The following MAN1C1 variants were observed in gnomAD, a reference collection of about 807,000 sequenced individuals.
The protein encoded by MAN1C1 is mannosyl-oligosaccharide 1,2-alpha-mannosidase IC.
A neutral mutation model predicts 71.5 loss-of-function variants in MAN1C1; 49 were observed. The observed-to-expected ratio is 0.69, with a 90% CI of 0.54 to 0.87. The LOEUF is 0.87. MAN1C1 is among the 40% of genes least tolerant of loss of function. The probability of loss-of-function intolerance (pLI) is 0.00; values close to 1 mark genes in which losing one functional copy is unlikely to be tolerated. For synonymous variants in MAN1C1, 352 were observed against 343.7 expected, an observed-to-expected ratio of 1.02 and a Z score of -0.27; for missense variants, 743 against 835.0, an observed-to-expected ratio of 0.89 and a Z score of 1.36.
chr1:25,772,561 A>G (rs1293649311), intron 8 of MAN1C1, among the ~76,000 whole-genome samples: 1 of 152,192 alleles, frequency 6.6e-6, no homozygotes, highest in African/African-American at 2.4e-5. Flanking sequence ...TTTCCCCATA[A>G]AGCAAGTTGA....
rs561188269 is a variant in MAN1C1 at position 25,731,002 on chromosome 1, C to T, written c.638-15666C>T. 1.6e-4 allele frequency among the ~76,000 whole-genome samples: 25 copies of T among 152,318 alleles called. No individual in the cohort carries two copies. The East Asian group carries it at 3.9e-3, about 24-fold the overall frequency. ...TTTGACCACAAGCCTGTGCTTCCCC[C>T]ACAATCGCTGCTGCTTTAAAAAAAT... On this transcript the variant is annotated intron_variant, in intron 2 of 11. Coordinates refer to ENST00000374332, the MANE Select transcript of MAN1C1 (RefSeq NM_020379.4).
rs1024080469 is a variant in MAN1C1 at position 25,769,686 on chromosome 1, G to T, written c.1142-1971G>T. Among the ~76,000 whole-genome samples the T allele has an allele frequency of 1.3e-5, 2 of 152,162 alleles. No homozygotes were observed. Among genetic ancestry groups the T allele is most frequent in the African/African-American group, 2.4e-5 (1 of 41,432 alleles). The stretch of plus-strand genomic sequence containing the variant: ...CATTCACCTGCTCAGCACTCCATGG[G>T]CATCTCTGTGCGCCGTGTAGTTACT... On this transcript the variant is annotated intron_variant, in intron 7 of 11. Coordinates refer to ENST00000374332, the MANE Select transcript of MAN1C1 (RefSeq NM_020379.4). The surrounding 1 kb of genome is among the most constrained non-coding windows in gnomAD (Gnocchi z 4.8).
intron 2 of MAN1C1, among the ~76,000 whole-genome samples, chr1:25,687,309 A>G (rs952536485): frequency 1.3e-5 from 2 of 151,946 alleles, no homozygotes; most frequent in Non-Finnish European, 2.9e-5. Flanking sequence ...CCTAACCTAG[A>G]GCCTTGGGAG....
chr1:25,768,161 A>G (rs1572207510), intron 7 of MAN1C1, among the ~76,000 whole-genome samples: 1 of 60,716 alleles, frequency 1.6e-5, no homozygotes, highest in Non-Finnish European at 3.1e-5. Context: ...CCCTACATAC[A>G]CTCCCCTCAC....
intron 2 of MAN1C1, among the ~76,000 whole-genome samples, chr1:25,707,459 G>C (rs912314678): frequency 6.6e-6 from 1 of 152,230 alleles, no homozygotes; most frequent in Non-Finnish European, 1.5e-5. Context: ...ATCTGGAGGA[G>C]AAAATGCATT....
At position 25,753,979 on chromosome 1, in the gene MAN1C1, C is replaced by T. The variant is rs1044663178; in HGVS notation, c.929+401C>T. Among the ~76,000 whole-genome samples, 20 of 152,154 alleles carry T rather than the reference C, an allele frequency of 1.3e-4. No individual in the cohort carries two copies. Among genetic ancestry groups the T allele is most frequent in the East Asian group, 7.7e-4 (4 of 5,192 alleles). ...AATGGCCCCAAACACTCTCTTCCCC[C>T]GCTGGGGTTCCGGAGCCAGCAGGCA... is the stretch of plus-strand genomic sequence containing the variant. On this transcript the variant is annotated intron_variant, in intron 5 of 11. Transcript: ENST00000374332. This position sits in a 1 kb window ranked among gnomAD's most constrained non-coding sequence, Gnocchi z 4.9.
intron 1 of MAN1C1, among the ~76,000 whole-genome samples, chr1:25,637,609 T>C (rs1242460641): frequency 6.6e-6 from 1 of 152,098 alleles, no homozygotes; most frequent in Non-Finnish European, 1.5e-5. Context: ...TTTTTTTTTT[T>C]TGGTCTACTT....
At position 25,782,696 on chromosome 1, in the gene MAN1C1, C is replaced by G. The variant is rs764350746; in HGVS notation, c.1762C>G (p.Leu588Val). The G allele has an allele frequency of 6.2e-7, 1 of 1,612,168 alleles. No individual in the cohort carries two copies. The highest frequency in any genetic ancestry group is 8.5e-7 in the Non-Finnish European group (1 of 1,178,364). Reference protein sequence around the residue: ...KQQSFFLAETLKYLYLLFSED... With the variant: ...KQQSFFLAETVKYLYLLFSED... ...GCAGAGCTTCTTTCTAGCGGAGACA[C>G]TAAAGTGAGCAGTGTGGGCTCTTCC... Residue 588 changes from leucine (L) to valine (V), a missense_variant, in exon 11 of 12, where the codon CTA becomes GTA. Coordinates refer to ENST00000374332, the MANE Select transcript of MAN1C1 (RefSeq NM_020379.4). The surrounding 1 kb of genome is among the most constrained non-coding windows in gnomAD (Gnocchi z 4.4).
intron 4 of MAN1C1, among the ~76,000 whole-genome samples, chr1:25,752,166 C>T (rs1027765425): frequency 6.6e-6 from 1 of 152,054 alleles, no homozygotes; most frequent in African/African-American, 2.4e-5. Flanking sequence ...GAGGTTGGCA[C>T]GGCACTTCAC....
intron 1 of MAN1C1, among the ~76,000 whole-genome samples, chr1:25,654,801 C>A (rs2045740584): frequency 6.6e-6 from 1 of 152,108 alleles, no homozygotes; most frequent in African/African-American, 2.4e-5. Context: ...CACACACCAC[C>A]ACGCCTAGCT....
At chr1:25,718,914 A>G (rs960196725) in intron 2 of MAN1C1, among the ~76,000 whole-genome samples, 2 of 152,010 alleles carry the variant, frequency 1.3e-5, no homozygotes, top group Non-Finnish European at 2.9e-5. Flanking sequence ...TTCTATGAAC[A>G]TATGTTTTTA....
intron 1 of MAN1C1, among the ~76,000 whole-genome samples, chr1:25,680,124 G>T (rs545085242): frequency 6.6e-6 from 1 of 151,870 alleles, no homozygotes; most frequent in Admixed American, 6.6e-5. Flanking sequence ...GTGCAGTGGC[G>T]CAATCTCGGC....
intron 2 of MAN1C1, among the ~76,000 whole-genome samples, chr1:25,688,871 G>A (rs527639113): frequency 5.8e-4 from 88 of 152,318 alleles, no homozygotes; most frequent in Admixed American, 1.6e-3. Context: ...TTGTCCCAGT[G>A]AGCCTGTGGC....
rs765251005 is a variant in MAN1C1, at chr1:25,617,891, C to T, written c.94C>T (p.Leu32=). 7.5e-6 allele frequency: 12 copies of T among 1,608,876 alleles called. No homozygotes were observed. Among genetic ancestry groups the T allele is most frequent in the Non-Finnish European group, 7.6e-6 (9 of 1,178,412 alleles). ...KFLFLLFLSG[L]VTLCFGALFL... is the part of the protein sequence containing the mutation. Reference sequence around the variant, plus strand: ...CCTCTTCCTCCTCTTCCTCTCGGGCCTGGTCACCCTGTGCTTCGGGGCCCT... The same window carrying T: ...CCTCTTCCTCCTCTTCCTCTCGGGCTTGGTCACCCTGTGCTTCGGGGCCCT... Residue 32 remains leucine, a synonymous_variant, in exon 1 of 12, where the codon CTG becomes TTG. Coordinates refer to ENST00000374332, the MANE Select transcript of MAN1C1 (RefSeq NM_020379.4). This position sits in a 1 kb window ranked among gnomAD's most constrained non-coding sequence, Gnocchi z 5.1.
At chr1:25,761,649 A>C (rs1365201465) in intron 6 of MAN1C1, 3 of 68,232 alleles carry the variant, frequency 4.4e-5, no homozygotes, top group Non-Finnish European at 4.9e-5. Context: ...TTTGAGACGG[A>C]GTCTCTCTCT....
chr1:25,684,030 C>T (rs1021566491), intron 1 of MAN1C1, among the ~76,000 whole-genome samples: 1 of 152,204 alleles, frequency 6.6e-6, no homozygotes, highest in Admixed American at 6.5e-5. Flanking sequence ...TTTGAGACCA[C>T]GTAGATACCT....
chr1:25,636,453 A>G lies in MAN1C1; in HGVS notation c.540+18116A>G, dbSNP rs113760505. ...ATTAATATTCCTTGCTAGGAAAAGA[A>G]TTTAGCGATATCTTCCCTACTTGCA... On this transcript the variant is annotated intron_variant, in intron 1 of 11. Transcript: ENST00000374332. Among the ~76,000 whole-genome samples the G allele has an allele frequency of 1.1e-3, 162 of 152,294 alleles. No individual in the cohort carries two copies. In the Middle Eastern group the frequency reaches 0.02, roughly 19 times the overall value.
chr1:25,758,682 C>T lies in MAN1C1; in HGVS notation c.1020C>T (p.Leu340=). The change falls in exon 6 of 12, where the codon CTC becomes CTT. Residue 340 remains leucine (L), a synonymous_variant. Transcript: ENST00000374332. ...TGGAATTCTTACACCTCACTGAACT[C>T]TCTGGCAACCAGGTCTTCGCTGAAA... ...LHLEFLHLTE[L]SGNQVFAEKV... is the part of the protein sequence containing the mutation. 1 of 1,614,164 alleles carries T rather than the reference C, an allele frequency of 6.2e-7. No individual in the cohort carries two copies. Among genetic ancestry groups the T allele is most frequent in the East Asian group, 2.2e-5 (1 of 44,880 alleles).
At chr1:25,768,109 T>C (rs2124390429) in intron 7 of MAN1C1, among the ~76,000 whole-genome samples, 2 of 57,674 alleles carry the variant, frequency 3.5e-5, no homozygotes, top group Non-Finnish European at 3.0e-5. Flanking sequence ...ACCCCTCACA[T>C]ACATCCACGC....
Sources: allele counts gnomAD v4.1 joint callset (sites outside exome capture counted in the v4.1 genomes callset), GRCh38; gene constraint gnomAD v4.1.1; non-coding constraint Gnocchi (gnomAD v3.1); transcripts MANE v1.5; gene names NCBI Gene and HGNC (gene_info 2026-07-23, HGNC 2026-07-21).